Variants in AOPEP observed in about 807,000 individuals in gnomAD.
The protein encoded by AOPEP is aminopeptidase O.
A neutral mutation model predicts 98.1 loss-of-function variants in AOPEP; 77 were observed. The ratio of observed to expected loss-of-function variants is 0.78; its 90% confidence interval spans 0.65 to 0.95. The LOEUF (loss-of-function observed/expected upper bound fraction) is 0.95, where lower values mean the gene tolerates loss of function less well. AOPEP is among the 40% of genes least tolerant of loss of function. The pLI is 0.00. For missense variants in AOPEP, 1,024 were observed against 1,024.7 expected (o/e 1.00, Z 0.01); for synonymous variants, 346 against 365.3 (o/e 0.95, Z 0.60).
intron 13 of AOPEP, among the ~76,000 whole-genome samples, chr9:95,051,225 G>T (rs1273993066): frequency 6.6e-6 from 1 of 151,650 alleles, no homozygotes; most frequent in Non-Finnish European, 1.5e-5. Flanking sequence ...GAGTAGCTGG[G>T]ACTACAGGTG....
intron 5 of AOPEP, among the ~76,000 whole-genome samples, chr9:94,911,408 A>G (rs1292228340): frequency 6.6e-6 from 1 of 152,228 alleles, no homozygotes; most frequent in Non-Finnish European, 1.5e-5. Flanking sequence ...GATTTCTCAG[A>G]GCAGCCACTG....
intron 5 of AOPEP, among the ~76,000 whole-genome samples, chr9:94,861,008 C>T (rs138251839): frequency 3.3e-5 from 5 of 152,262 alleles, no homozygotes; most frequent in African/African-American, 1.2e-4. Flanking sequence ...GTGCTTTTTG[C>T]GGTTTCTTTC....
intron 3 of AOPEP, 88 bp from the exon 4 acceptor site, chr9:94,792,677 G>A (rs1845997358): frequency 7.9e-7 from 1 of 1,265,320 alleles, no homozygotes; most frequent in African/African-American, 1.5e-5. Flanking sequence ...TATCACAAAA[G>A]CTCTTCAAGT....
intron 1 of AOPEP, among the ~76,000 whole-genome samples, chr9:94,742,559 C>T (rs1016932366): frequency 7.9e-5 from 12 of 151,988 alleles, no homozygotes; most frequent in African/African-American, 1.9e-4. Flanking sequence ...CTCAGCCTCC[C>T]GAGTAGCTGG....
intron 11 of AOPEP, among the ~76,000 whole-genome samples, chr9:94,988,290 C>T (rs1017567786): frequency 6.6e-5 from 10 of 152,120 alleles, no homozygotes; most frequent in African/African-American, 2.4e-4. Flanking sequence ...ATCCTACTCA[C>T]GACGGGGAAG....
chr9:94,860,942 A>T (rs1025035529), intron 5 of AOPEP, among the ~76,000 whole-genome samples: 1 of 152,196 alleles, frequency 6.6e-6, no homozygotes, highest in African/African-American at 2.4e-5. Context: ...TGTTAGATAA[A>T]TAAACCTCTT....
At chr9:94,766,870 A>G (rs1839750545) in intron 2 of AOPEP, among the ~76,000 whole-genome samples, 1 of 152,158 alleles carries the variant, frequency 6.6e-6, no homozygotes, top group Non-Finnish European at 1.5e-5. Context: ...AGTTAGCAAA[A>G]TCCTAAGGAG....
chr9:94,766,621 G>A (rs752584353), intron 2 of AOPEP, among the ~76,000 whole-genome samples: 16 of 152,204 alleles, frequency 1.1e-4, no homozygotes, highest in Non-Finnish European at 2.9e-5. Context: ...TGTGGAAGCA[G>A]TCAAGTGGTT....
chr9:95,003,177 CGCGT>C (rs1194317134), intron 11 of AOPEP, among the ~76,000 whole-genome samples: 1 of 151,634 alleles, frequency 6.6e-6, no homozygotes, highest in Admixed American at 6.6e-5. Flanking sequence ...CGCGCGCGCG[CGCGT>C]GTGTGACTGC....
chr9:95,083,051 T>C (rs1375547694), intron 16 of AOPEP: 3 of 240,698 alleles, frequency 1.2e-5, no homozygotes, highest in Non-Finnish European at 2.4e-5. Flanking sequence ...CTTGAGTAGG[T>C]TTAGAGATGG....
intron 11 of AOPEP, among the ~76,000 whole-genome samples, chr9:94,998,986 T>C (rs1439212906): frequency 6.6e-6 from 1 of 152,228 alleles, no homozygotes; most frequent in African/African-American, 2.4e-5. Flanking sequence ...GTTCTTTTCA[T>C]AGAATTTTAT....
At chr9:94,849,502 C>CTT (rs1483175118) in intron 5 of AOPEP, among the ~76,000 whole-genome samples, 2,693 of 66,212 alleles carry the variant, frequency 0.041, 105 homozygotes, top group African/African-American at 0.11. Flanking sequence ...TTCTTTCTTT[C>CTT]TTTCTTTTTT....
At chr9:94,863,754 A>G (rs912828939) in intron 5 of AOPEP, among the ~76,000 whole-genome samples, 1 of 152,188 alleles carries the variant, frequency 6.6e-6, no homozygotes, top group South Asian at 2.1e-4. Context: ...AACTCATAGT[A>G]CATAATAGCT....
intron 13 of AOPEP, among the ~76,000 whole-genome samples, chr9:95,015,981 T>G (rs1427828841): frequency 2.0e-5 from 3 of 152,090 alleles, no homozygotes; most frequent in Non-Finnish European, 4.4e-5. Flanking sequence ...GGATTACAGG[T>G]ATGAACCACT....
rs1173332784 is a variant in AOPEP at position 94,760,420 on chromosome 9, C to G, written c.637C>G (p.Pro213Ala). 1 of 1,613,982 alleles carries G rather than the reference C, an allele frequency of 6.2e-7. No homozygotes were observed. The highest frequency in any genetic ancestry group is 8.5e-7 in the Non-Finnish European group (1 of 1,179,936). Residue 213 changes from proline (P) to alanine (A), a missense_variant, in exon 2 of 17, where the codon CCT becomes GCT. Coordinates refer to ENST00000375315, the MANE Select transcript of AOPEP (RefSeq NM_001193329.3). The stretch of plus-strand genomic sequence containing the variant: ...CTATTACGCTCGCTGCAGCCAGGCT[C>G]CTGGCTGTGGGGAACTCCTCTTTGA... ...LDYYARCSQA[P>A]GCGELLFDTD...
the AOPEP span, among the ~76,000 whole-genome samples, chr9:95,130,015 A>G: frequency 1.3e-5 from 2 of 152,162 alleles, no homozygotes; most frequent in Non-Finnish European, 2.9e-5. Flanking sequence ...AGGGAAGACA[A>G]AGTCAACATG....
intron 5 of AOPEP, among the ~76,000 whole-genome samples, chr9:94,867,248 A>G (rs2045806145): frequency 6.6e-6 from 1 of 152,250 alleles, no homozygotes; most frequent in South Asian, 2.1e-4. Flanking sequence ...TACAACGCTT[A>G]ATGTAAAATC....
chr9:95,141,985 GTTTTTTTTTTTT>G, the AOPEP span, among the ~76,000 whole-genome samples: 1 of 83,138 alleles, frequency 1.2e-5, no homozygotes, highest in Non-Finnish European at 2.1e-5. Context: ...AGTTTGTGGG[GTTTTTTTTTTTT>G]TTTTTTTTTT....
At chr9:94,775,490 C>T (rs1202928848) in intron 3 of AOPEP, among the ~76,000 whole-genome samples, 1 of 152,096 alleles carries the variant, frequency 6.6e-6, no homozygotes, top group South Asian at 2.1e-4. Context: ...TCTCGGCCTC[C>T]CCAGTAGCTG....
Sources: allele counts gnomAD v4.1 joint callset (sites outside exome capture counted in the v4.1 genomes callset), GRCh38; gene constraint gnomAD v4.1.1; transcripts MANE v1.5; gene names NCBI Gene and HGNC (gene_info 2026-07-23, HGNC 2026-07-21).